The following SGO2 variants were observed in gnomAD, a reference collection of about 807,000 sequenced individuals.
SGO2 encodes shugoshin 2, also known as shugoshin-like 2.
In SGO2, 68 loss-of-function variants were observed where a neutral mutation model predicts 99.5. The ratio of observed to expected loss-of-function variants is 0.68; its 90% CI spans 0.56 to 0.84. The LOEUF (loss-of-function observed/expected upper bound fraction) is 0.84. Among genes scored for constraint, SGO2 ranks in the 40% least tolerant of loss-of-function variants. SGO2 has a pLI of 0.00. For synonymous variants in SGO2, 457 were observed against 487.1 expected (o/e 0.94, Z 0.81); for missense variants, 1,350 against 1,436.7 (o/e 0.94, Z 0.97).
chr2:200,569,421 T>A (rs930003510), intron 5 of SGO2, among the ~76,000 whole-genome samples: 2 of 152,140 alleles, frequency 1.3e-5, no homozygotes, highest in African/African-American at 4.8e-5. Context: ...GAAGTAAATA[T>A]ATAAATTATC....
chr2:200,553,386 C>T (rs943759843), intron 5 of SGO2, among the ~76,000 whole-genome samples: 1 of 152,132 alleles, frequency 6.6e-6, no homozygotes, highest in Non-Finnish European at 1.5e-5. Context: ...AATTAGAATA[C>T]TGATTGAGAT....
At chr2:200,578,193 G>T (rs1323048989) in intron 8 of SGO2, among the ~76,000 whole-genome samples, 4 of 24,660 alleles carry the variant, frequency 1.6e-4, no homozygotes, top group African/African-American at 2.3e-4. Flanking sequence ...TATATCGTGG[G>T]TATCTCTTTT....
intron 3 of SGO2, among the ~76,000 whole-genome samples, 188 bp downstream of exon 3, chr2:200,535,359 A>G (rs562873512): frequency 6.6e-6 from 1 of 152,312 alleles, no homozygotes; most frequent in East Asian, 1.9e-4. Context: ...TTAAATCTAC[A>G]TTCTAAATGT....
chr2:200,534,454 A>AGAT (rs940369955), intron 2 of SGO2, among the ~76,000 whole-genome samples: 3 of 152,214 alleles, frequency 2.0e-5, no homozygotes, highest in African/African-American at 7.2e-5. Context: ...CGTGGGGTTT[A>AGAT]GATTATCTAT....
Position 200,536,102 on chromosome 2 carries a change from A to G in SGO2, c.347A>G (p.Asn116Ser), listed in dbSNP as rs780831487. Residue 116 changes from asparagine to serine, a missense_variant, in exon 4 of 9, where the codon AAT becomes AGT. Physicochemically the swap from Asn to Ser is conservative, Grantham distance 46. Transcript: ENST00000357799. The part of the protein sequence containing the change: ...KLIDIEALMN[N>S]NLITAIEMSS... ...ATAGACATAGAAGCTCTCATGAACA[A>G]TAACTTGATAACTGCAATTGAAATG... The G allele has an allele frequency of 6.3e-7, 1 of 1,595,174 alleles. No individual in the cohort carries two copies. Among genetic ancestry groups the G allele is most frequent in the South Asian group, 1.1e-5 (1 of 88,596 alleles).
Position 200,572,510 on chromosome 2 carries a change from A to T in SGO2, c.2164A>T (p.Ile722Leu). 1 of 1,612,848 alleles carries T rather than the reference A, an allele frequency of 6.2e-7. No homozygotes were observed. Among genetic ancestry groups the T allele is most frequent in the Non-Finnish European group, 8.5e-7 (1 of 1,179,244 alleles). ...GCAGAAAGTAAATCGGAAGACAGAAATAATTTCTGAAGTGAATCATTTAGA... is the reference window on the plus strand; with the variant it reads ...GCAGAAAGTAAATCGGAAGACAGAATTAATTTCTGAAGTGAATCATTTAGA... ...LRQKVNRKTE[I>L]ISEVNHLDND... is the part of the protein sequence containing the mutation. Residue 722 changes from isoleucine (I) to leucine (L), a missense_variant, in exon 7 of 9, where the codon ATA becomes TTA. Coordinates refer to ENST00000357799, the MANE Select transcript of SGO2 (RefSeq NM_152524.6).
In SGO2 at chr2:200,573,105, T is replaced by C. The variant is rs201763936; in HGVS notation, c.2759T>C (p.Met920Thr). Residue 920 changes from methionine to threonine, a missense_variant, in exon 7 of 9, where the codon ATG (methionine) becomes ACG (threonine). Transcript: ENST00000357799. ...VNWKTEIISE[M>T]NQIYEDNDKD... is the part of the protein sequence containing the mutation. ...TGGAAGACAGAAATAATTTCTGAAATGAACCAGATATATGAGGATAATGAT... is the reference window on the plus strand; with the variant it reads ...TGGAAGACAGAAATAATTTCTGAAACGAACCAGATATATGAGGATAATGAT... 990 of 1,584,010 alleles carry C rather than the reference T, an allele frequency of 6.2e-4. No homozygotes were observed. Among genetic ancestry groups the C allele is most frequent in the Non-Finnish European group, 7.6e-4 (892 of 1,172,140 alleles).
chr2:200,551,453 T>C (rs1214741236), intron 5 of SGO2, among the ~76,000 whole-genome samples: 1 of 152,036 alleles, frequency 6.6e-6, no homozygotes, highest in African/African-American at 2.4e-5. Flanking sequence ...TACCAGAGGC[T>C]GGGAAGGGGG....
rs192793098 is a variant in SGO2, at chr2:200,573,303, G to A, written c.2957G>A (p.Arg986His). ...ILDSYKVVKK[R>H]KKESSCKAKN... Reference sequence around the variant, plus strand: ...GATTCCTACAAAGTAGTTAAAAAACGTAAGAAAGAATCATCATGCAAGGCA... The same window carrying A: ...GATTCCTACAAAGTAGTTAAAAAACATAAGAAAGAATCATCATGCAAGGCA... The change falls in exon 7 of 9, where the codon CGT becomes CAT. Residue 986 changes from arginine to histidine, a missense_variant. By Grantham distance (29) the Arg-to-His change is conservative (BLOSUM62 0). Transcript: ENST00000357799. 33 of 1,605,864 alleles carry A rather than the reference G, an allele frequency of 2.1e-5. No homozygotes were observed. The highest frequency in any genetic ancestry group is 1.0e-4 in the Admixed American group (6 of 58,304).
chr2:200,561,430 AC>A (rs1309962982), intron 5 of SGO2, among the ~76,000 whole-genome samples: 7 of 152,014 alleles, frequency 4.6e-5, no homozygotes. Flanking sequence ...CATTTTCTTA[AC>A]CCAGTCTATC....
intron 5 of SGO2, among the ~76,000 whole-genome samples, chr2:200,560,784 G>A (rs770258807): frequency 1.3e-4 from 20 of 152,112 alleles, no homozygotes; most frequent in Non-Finnish European, 2.2e-4. Context: ...GGGATGAGAA[G>A]CATTTGTCTT....
chr2:200,581,459 G>T (rs1384687243), intron 8 of SGO2, among the ~76,000 whole-genome samples: 1 of 152,042 alleles, frequency 6.6e-6, no homozygotes, highest in Non-Finnish European at 1.5e-5. Flanking sequence ...TATTAAAAAT[G>T]TCCTCATTTG....
intron 2 of SGO2, among the ~76,000 whole-genome samples, chr2:200,534,667 T>A (rs921796185): frequency 6.6e-6 from 1 of 152,172 alleles, no homozygotes; most frequent in African/African-American, 2.4e-5. Flanking sequence ...GGTAGGAAAT[T>A]AGGTAGAGCA....
intron 1 of SGO2, among the ~76,000 whole-genome samples, chr2:200,527,283 G>GGGCA (rs533140621): frequency 4.6e-4 from 70 of 152,290 alleles, no homozygotes; most frequent in Non-Finnish European, 9.3e-4. Flanking sequence ...TTATTGGGGA[G>GGGCA]GGCAGTCCAG....
At position 200,573,806 on chromosome 2, in the gene SGO2, A is replaced by C. The variant is rs1169678945; in HGVS notation, c.3460A>C (p.Ser1154Arg). 1.9e-6 allele frequency: 3 copies of C among 1,612,628 alleles called. No individual in the cohort carries two copies. The highest frequency in any genetic ancestry group is 2.5e-6 in the Non-Finnish European group (3 of 1,179,274). The part of the protein sequence containing the change: ...SPNIQDSSFD[S>R]VREGLVPLSV... Reference sequence around the variant, plus strand: ...TAACATACAAGATTCTTCCTTTGACAGTGTTCGTGAAGGTTTAGTACCTTT... The same window carrying C: ...TAACATACAAGATTCTTCCTTTGACCGTGTTCGTGAAGGTTTAGTACCTTT... The change falls in exon 7 of 9, where the codon AGT becomes CGT. Residue 1154 changes from serine to arginine, a missense_variant. Coordinates refer to ENST00000357799, the MANE Select transcript of SGO2 (RefSeq NM_152524.6).
intron 5 of SGO2, among the ~76,000 whole-genome samples, chr2:200,554,658 A>G (rs1470193502): frequency 5.3e-5 from 8 of 152,222 alleles, no homozygotes; most frequent in Non-Finnish European, 1.2e-4. Flanking sequence ...TATCAGAGTT[A>G]CAGGAATTTT....
chr2:200,541,804 C>T (rs780178923), intron 4 of SGO2, among the ~76,000 whole-genome samples: 16 of 152,120 alleles, frequency 1.1e-4, no homozygotes, highest in Non-Finnish European at 1.9e-4. Flanking sequence ...TTAGGTTCCC[C>T]ATTTTGACCT....
At chr2:200,541,022 A>G (rs2031936454) in intron 4 of SGO2, among the ~76,000 whole-genome samples, 1 of 74,992 alleles carries the variant, frequency 1.3e-5, no homozygotes. Flanking sequence ...TCATCCCATG[A>G]TAGAAGGTGG....
chr2:200,573,636 A>G lies in SGO2; in HGVS notation c.3290A>G (p.Glu1097Gly). 1 of 1,613,112 alleles carries G rather than the reference A, an allele frequency of 6.2e-7. No individual in the cohort carries two copies. Among genetic ancestry groups the G allele is most frequent in the Non-Finnish European group, 8.5e-7 (1 of 1,179,448 alleles). The change falls in exon 7 of 9, where the codon GAA (glutamate) becomes GGA (glycine). Residue 1097 changes from glutamate (E) to glycine (G), a missense_variant. Coordinates refer to ENST00000357799, the MANE Select transcript of SGO2 (RefSeq NM_152524.6). ...TCTCCAGAGAGCCATGAAGTAATGG[A>G]AAGAATACTTGACAGCGTTCAGGGA... is the stretch of plus-strand genomic sequence containing the variant. ...DPSPESHEVM[E>G]RILDSVQGKS...
Sources: gnomAD v4.1 joint callset for allele counts (sites outside exome capture counted in the v4.1 genomes callset) on GRCh38, gnomAD v4.1.1 for gene constraint, MANE v1.5 for transcripts, NCBI Gene and HGNC (gene_info 2026-07-23, HGNC 2026-07-21) for gene names.